Variants in SPATS2 observed in about 807,000 individuals in gnomAD.
The protein encoded by SPATS2 is spermatogenesis associated serine rich 2.
A neutral mutation model predicts 63.7 loss-of-function variants in SPATS2; 38 were observed. The observed-to-expected ratio is 0.60, with a 90% CI of 0.46 to 0.78. The LOEUF is 0.78. Ranked by LOEUF, SPATS2 falls within the 30% of genes least tolerant of loss-of-function variation. The pLI, the probability that SPATS2 is intolerant of heterozygous loss-of-function variation, is 0.00. For synonymous variants in SPATS2, 207 were observed against 232.9 expected, an observed-to-expected ratio of 0.89 and a Z score of 1.01; for missense variants, 588 against 666.2, an observed-to-expected ratio of 0.88 and a Z score of 1.29.
At chr12:49,449,060 G>C (rs1038420293) in intron 2 of SPATS2, among the ~76,000 whole-genome samples, 2 of 152,232 alleles carry the variant, frequency 1.3e-5, no homozygotes, top group Admixed American at 1.3e-4. Flanking sequence ...ACAGGCAGTA[G>C]AGCTGACTTT....
chr12:49,495,463 C>G (rs1164629509), intron 7 of SPATS2, among the ~76,000 whole-genome samples: 1 of 152,104 alleles, frequency 6.6e-6, no homozygotes, highest in African/African-American at 2.4e-5. Flanking sequence ...ACCCAAAGTG[C>G]TGGGATTACA....
At chr12:49,510,926 T>C (rs889483787) in intron 9 of SPATS2, among the ~76,000 whole-genome samples, 1 of 152,138 alleles carries the variant, frequency 6.6e-6, no homozygotes, top group Non-Finnish European at 1.5e-5. Flanking sequence ...GCAAAAGCTT[T>C]AGGATAAATT....
intron 3 of SPATS2, among the ~76,000 whole-genome samples, chr12:49,467,861 G>T (rs1050242272): frequency 1.3e-5 from 2 of 151,882 alleles, no homozygotes; most frequent in Non-Finnish European, 2.9e-5. Context: ...AGCCTCCTGA[G>T]TAGCTGGGAC....
intron 3 of SPATS2, among the ~76,000 whole-genome samples, chr12:49,468,345 A>G (rs530713965): frequency 8.6e-5 from 13 of 151,540 alleles, no homozygotes; most frequent in Non-Finnish European, 1.5e-4. Context: ...TTTTTAGTAG[A>G]GACGGGGTTT....
intron 2 of SPATS2, among the ~76,000 whole-genome samples, chr12:49,448,970 C>T (rs1361039445): frequency 6.6e-6 from 1 of 152,134 alleles, no homozygotes; most frequent in Non-Finnish European, 1.5e-5. Flanking sequence ...TCATTTCTGC[C>T]GTTTTGGTGC....
chr12:49,509,586 G>A (rs886942071), intron 9 of SPATS2, among the ~76,000 whole-genome samples: 1 of 152,058 alleles, frequency 6.6e-6, no homozygotes, highest in Non-Finnish European at 1.5e-5. Context: ...GGAGGCTGAG[G>A]TGGGTGGATT....
At chr12:49,401,039 A>AT (rs1435858964) in intron 2 of SPATS2, among the ~76,000 whole-genome samples, 1 of 151,750 alleles carries the variant, frequency 6.6e-6, no homozygotes, top group Non-Finnish European at 1.5e-5. Context: ...CGCCTGACTA[A>AT]TTTTTTTGAT....
At chr12:49,469,554 A>G (rs767155505) in intron 3 of SPATS2, 6 of 431,318 alleles carry the variant, frequency 1.4e-5, no homozygotes, top group South Asian at 5.1e-5. Flanking sequence ...AAAAAAAAAA[A>G]AAAAAAAAAA....
At chr12:49,407,337 A>G (rs1159672882) in intron 2 of SPATS2, among the ~76,000 whole-genome samples, 2 of 152,174 alleles carry the variant, frequency 1.3e-5, no homozygotes, top group Non-Finnish European at 2.9e-5. Flanking sequence ...CCTTTGCTCA[A>G]GATCTTCCAG....
chr12:49,413,891 G>A (rs1251331372), intron 2 of SPATS2, among the ~76,000 whole-genome samples: 1 of 152,158 alleles, frequency 6.6e-6, no homozygotes, highest in Non-Finnish European at 1.5e-5. Flanking sequence ...AAAAATGGGA[G>A]GAACACAGTC....
chr12:49,393,233 A>T (rs1944450884), intron 2 of SPATS2, among the ~76,000 whole-genome samples: 1 of 152,060 alleles, frequency 6.6e-6, no homozygotes, highest in South Asian at 2.1e-4. Context: ...AATTTTTTCC[A>T]TTCTTAGTTT....
At chr12:49,422,733 G>A (rs949548105) in intron 2 of SPATS2, among the ~76,000 whole-genome samples, 19 of 152,022 alleles carry the variant, frequency 1.2e-4, no homozygotes, top group Admixed American at 2.6e-4. Context: ...GCAACATTGT[G>A]AAACCCCATC....
chr12:49,500,588 C>T (rs557100963), intron 9 of SPATS2, among the ~76,000 whole-genome samples: 2,557 of 152,030 alleles, frequency 0.017, 36 homozygotes, highest in Middle Eastern at 0.041. Context: ...CTGGCTAACA[C>T]GGTGAAAACC....
At chr12:49,378,454 C>T (rs779758630) in intron 2 of SPATS2, among the ~76,000 whole-genome samples, 1 of 151,450 alleles carries the variant, frequency 6.6e-6, no homozygotes, top group Non-Finnish European at 1.5e-5. Flanking sequence ...CATGCCTCCA[C>T]GCCCGGCTAA....
chr12:49,480,427 G>T (rs1291038672), intron 3 of SPATS2, among the ~76,000 whole-genome samples: 4 of 152,036 alleles, frequency 2.6e-5, no homozygotes, highest in African/African-American at 9.7e-5. Flanking sequence ...ATTTAGTATT[G>T]TACAGTTAGA....
chr12:49,510,818 TATTA>T (rs1470512043), intron 9 of SPATS2, among the ~76,000 whole-genome samples: 1 of 152,208 alleles, frequency 6.6e-6, no homozygotes, highest in Non-Finnish European at 1.5e-5. Flanking sequence ...GATATCTGTA[TATTA>T]ATTAGAGGAC....
rs2138092884 is a variant in SPATS2, at chr12:49,522,860, T to C, written c.1111+7T>C. Reference sequence around the variant, plus strand: ...ATTGATTCATTTGGACAAGGTGAGATGGTGAGAGGGTCTGGGCACTACAGG... The same window carrying C: ...ATTGATTCATTTGGACAAGGTGAGACGGTGAGAGGGTCTGGGCACTACAGG... On this transcript the variant is annotated splice_region_variant and intron_variant, in intron 12 of 13. Transcript: ENST00000552918. The C allele has an allele frequency of 6.2e-7, 1 of 1,611,278 alleles. No homozygotes were observed. Among genetic ancestry groups the C allele is most frequent in the East Asian group, 2.2e-5 (1 of 44,812 alleles).
At chr12:49,444,904 A>G (rs1945485047) in intron 2 of SPATS2, among the ~76,000 whole-genome samples, 1 of 152,138 alleles carries the variant, frequency 6.6e-6, no homozygotes, top group Non-Finnish European at 1.5e-5. Context: ...GCACCCAGCC[A>G]GATACCATTA....
chr12:49,490,669 G>A lies in SPATS2; in HGVS notation c.215-13G>A, dbSNP rs761684468. Reference sequence around the variant, plus strand: ...TGGTAGGAGACAAAATCTGTAATTGGTTTCTCTTACAGGTAGTGCCAGTGA... The same window carrying A: ...TGGTAGGAGACAAAATCTGTAATTGATTTCTCTTACAGGTAGTGCCAGTGA... On this transcript the variant is annotated splice_polypyrimidine_tract_variant and intron_variant, in intron 5 of 13. Coordinates refer to ENST00000552918, the MANE Select transcript of SPATS2 (RefSeq NM_023071.4). 6.2e-7 allele frequency: 1 copy of A among 1,613,362 alleles called. No individual in the cohort carries two copies. The highest frequency in any genetic ancestry group is 8.5e-7 in the Non-Finnish European group (1 of 1,179,510).
Sources: allele counts gnomAD v4.1 joint callset (sites outside exome capture counted in the v4.1 genomes callset), GRCh38; gene constraint gnomAD v4.1.1; transcripts MANE v1.5; gene names NCBI Gene and HGNC (gene_info 2026-07-23, HGNC 2026-07-21).